PBX4: variants seen among roughly 807,000 people sequenced by gnomAD.
The protein encoded by PBX4 is pre-B-cell leukemia transcription factor 4.
Under a neutral mutation model 35.1 loss-of-function variants are expected in PBX4, and 26 were observed. The observed-to-expected ratio is 0.74, with a 90% CI of 0.54 to 1.03. The LOEUF (loss-of-function observed/expected upper bound fraction) is 1.03. Among genes scored for constraint, PBX4 ranks in the 50% least tolerant of loss-of-function variants. The probability of loss-of-function intolerance (pLI) is 0.00; values close to 1 mark genes in which losing one functional copy is unlikely to be tolerated. For missense variants in PBX4, 448 were observed against 504.3 expected (o/e 0.89, Z 1.07); for synonymous variants, 199 against 204.2 (o/e 0.97, Z 0.22).
intron 2 of PBX4, among the ~76,000 whole-genome samples, chr19:19,587,592 T>TAAA (rs34647983): frequency 1.2e-3 from 108 of 90,676 alleles, no homozygotes; most frequent in Non-Finnish European, 1.6e-3. Flanking sequence ...CGTCTCAAAT[T>TAAA]AAAAAAAAAA....
intron 1 of PBX4, 57 bp downstream of exon 1, chr19:19,618,454 C>T (rs967872209): frequency 7.4e-7 from 1 of 1,354,558 alleles, no homozygotes; most frequent in Non-Finnish European, 9.6e-7. Context: ...GTCCCCTCAG[C>T]CCGCCAACCT....
intron 1 of PBX4, among the ~76,000 whole-genome samples, chr19:19,602,046 C>T (rs1197059305): frequency 6.6e-6 from 1 of 151,936 alleles, no homozygotes; most frequent in Non-Finnish European, 1.5e-5. Flanking sequence ...CGTTATGTTG[C>T]CCAGGCTGCG....
intron 2 of PBX4, among the ~76,000 whole-genome samples, chr19:19,595,002 G>A (rs977271534): frequency 3.3e-5 from 5 of 152,158 alleles, no homozygotes; most frequent in East Asian, 1.9e-4. Flanking sequence ...GATTACAGGC[G>A]TGAGCCACCG....
At position 19,597,348 on chromosome 19, in the gene PBX4, G is replaced by A. The variant is rs1256228352; in HGVS notation, c.193+1944C>T. On this transcript the variant is annotated intron_variant, in intron 2 of 7. Coordinates refer to ENST00000251203, the MANE Select transcript of PBX4 (RefSeq NM_025245.3). ...AGTCACCAGATCTCTTCTGAAGGCT[G>A]GGCACCATGCCCACAGCCTTACATA... Among the ~76,000 whole-genome samples, 3 of 152,186 alleles carry A rather than the reference G, an allele frequency of 2.0e-5. No individual in the cohort carries two copies. The East Asian group carries it at 5.8e-4, about 29-fold the overall frequency.
At chr19:19,585,721 T>A (rs2061484746) in intron 2 of PBX4, among the ~76,000 whole-genome samples, 1 of 152,190 alleles carries the variant, frequency 6.6e-6, no homozygotes, top group African/African-American at 2.4e-5. Flanking sequence ...TACTTTGTAA[T>A]CTCCCCCACC....
Position 19,570,142 on chromosome 19 carries a change from A to G in PBX4, c.599T>C (p.Val200Ala), listed in dbSNP as rs762936282. The G allele has an allele frequency of 1.9e-6, 3 of 1,612,480 alleles. No homozygotes were observed. The highest frequency in any genetic ancestry group is 2.2e-5 in the South Asian group (2 of 90,940). The change falls in exon 4 of 8, where the codon GTG becomes GCG. Residue 200 changes from valine (V) to alanine (A), a missense_variant. By Grantham distance (64) the Val-to-Ala change is moderately conservative (BLOSUM62 0). Coordinates refer to ENST00000251203, the MANE Select transcript of PBX4 (RefSeq NM_025245.3). ...GAGCAGCCGCGAACGCAGGGTCATC[A>G]CTGCCTCACAGGTGCTCTGCTTCAA... ...MQLKQSTCEA[V>A]MTLRSRLLDA...
chr19:19,588,108 T>G, intron 2 of PBX4: 4 of 969,996 alleles, frequency 4.1e-6, no homozygotes, highest in Non-Finnish European at 3.3e-6. Flanking sequence ...CTTGAAGCCG[T>G]ATTTTTTGCG....
At chr19:19,593,837 T>G (rs1013927901) in intron 2 of PBX4, among the ~76,000 whole-genome samples, 17 of 151,910 alleles carry the variant, frequency 1.1e-4, no homozygotes, top group African/African-American at 4.1e-4. Flanking sequence ...GAATCAAAAG[T>G]CCTGAGTGGC....
chr19:19,601,641 G>C (rs2061597883), intron 1 of PBX4, among the ~76,000 whole-genome samples: 1 of 152,156 alleles, frequency 6.6e-6, no homozygotes, highest in Admixed American at 6.6e-5. Flanking sequence ...CTTAAAGGTA[G>C]AGAACCTTTC....
At chr19:19,605,617 C>A (rs183966480) in intron 1 of PBX4, among the ~76,000 whole-genome samples, 1 of 151,428 alleles carries the variant, frequency 6.6e-6, no homozygotes, top group Admixed American at 6.6e-5. Flanking sequence ...CAGAGTGAGA[C>A]CCTGTCTCAT....
chr19:19,587,739 C>T (rs572650766), intron 2 of PBX4, among the ~76,000 whole-genome samples: 2 of 150,994 alleles, frequency 1.3e-5, no homozygotes, highest in South Asian at 4.2e-4. Flanking sequence ...CAGTCAACTA[C>T]TCAAGCAGAA....
At chr19:19,575,622 C>T (rs748118591) in intron 2 of PBX4, among the ~76,000 whole-genome samples, 60 of 152,160 alleles carry the variant, frequency 3.9e-4, no homozygotes, top group Non-Finnish European at 4.9e-4. Context: ...TTGTGACCTG[C>T]GGAGGAAAGT....
chr19:19,588,295 G>A (rs1392823474), intron 2 of PBX4: 3 of 1,139,768 alleles, frequency 2.6e-6, no homozygotes, highest in Non-Finnish European at 4.0e-6. Context: ...GCACACCAGA[G>A]TGCAGGGACG....
intron 1 of PBX4, among the ~76,000 whole-genome samples, chr19:19,601,533 T>C (rs1183282513): frequency 6.6e-6 from 1 of 152,104 alleles, no homozygotes; most frequent in Non-Finnish European, 1.5e-5. Context: ...TTACAAAAAA[T>C]GGGAAAAATA....
At chr19:19,585,609 T>G (rs971394444) in intron 2 of PBX4, among the ~76,000 whole-genome samples, 3 of 152,202 alleles carry the variant, frequency 2.0e-5, no homozygotes, top group African/African-American at 7.2e-5. Context: ...TACATCCAGA[T>G]GGCCTGAAGC....
chr19:19,599,180 G>A, intron 2 of PBX4, 112 bp downstream of exon 2: 1 of 852,124 alleles, frequency 1.2e-6, no homozygotes, highest in Non-Finnish European at 1.9e-6. Flanking sequence ...TGTTGGTCAG[G>A]CTGGTCTGGA....
chr19:19,567,910 C>T (rs1178053460), intron 5 of PBX4, among the ~76,000 whole-genome samples: 23 of 140,136 alleles, frequency 1.6e-4, no homozygotes, highest in East Asian at 4.5e-4. Flanking sequence ...TCACACCCCA[C>T]CTGTATCCCT....
chr19:19,606,132 A>C (rs2061629846), intron 1 of PBX4, among the ~76,000 whole-genome samples: 1 of 152,176 alleles, frequency 6.6e-6, no homozygotes, highest in Non-Finnish European at 1.5e-5. Context: ...TCATGTCCTT[A>C]TATAATCCTT....
At chr19:19,609,399 AT>A (rs1423106951) in intron 1 of PBX4, among the ~76,000 whole-genome samples, 2 of 151,978 alleles carry the variant, frequency 1.3e-5, no homozygotes, top group African/African-American at 4.8e-5. Flanking sequence ...AAAATACAAA[AT>A]TAGCCAGGCG....
Sources: allele counts gnomAD v4.1 joint callset (sites outside exome capture counted in the v4.1 genomes callset), GRCh38; gene constraint gnomAD v4.1.1; transcripts MANE v1.5; gene names NCBI Gene and HGNC (gene_info 2026-07-23, HGNC 2026-07-21).